Variants in CDHR1 observed in about 807,000 individuals in gnomAD.
CDHR1 encodes the protein cadherin-related family member 1.
A neutral mutation model predicts 72.1 loss-of-function variants in CDHR1; 61 were observed. The ratio of observed to expected loss-of-function variants is 0.85; its 90% CI spans 0.69 to 1.05. The LOEUF is 1.05. CDHR1 is among the 50% of genes least tolerant of loss of function. CDHR1 has a pLI of 0.00. For missense variants in CDHR1, 1,186 were observed against 1,115.7 expected (o/e 1.06, Z -0.90); for synonymous variants, 470 against 448.1 (o/e 1.05, Z -0.62).
chr10:84,212,324 C>T lies in CDHR1; in HGVS notation c.1699C>T (p.Leu567=), dbSNP rs181578769. 3 of 1,614,230 alleles carry T rather than the reference C, an allele frequency of 1.9e-6. No homozygotes were observed. The highest frequency in any genetic ancestry group is 2.7e-5 in the African/African-American group (2 of 75,072). ...CGTAGCTGAGGTGTTTATCACACTG[C>T]TGGATGTCAATGACCACCCCCCTCA... is the stretch of plus-strand genomic sequence containing the variant. ...YSVAEVFITL[L]DVNDHPPQFG... is the part of the protein sequence containing the mutation. The change falls in exon 15 of 17, where the codon CTG becomes TTG. Residue 567 remains leucine, a synonymous_variant. Coordinates refer to ENST00000623527, the MANE Select transcript of CDHR1 (RefSeq NM_033100.4).
At chr10:84,200,753 C>G (rs1415962889) in intron 6 of CDHR1, 66 bp downstream of exon 6, 34 of 1,113,710 alleles carry the variant, frequency 3.1e-5, no homozygotes, top group Non-Finnish European at 4.4e-5. Context: ...TGGCCCCTAC[C>G]TCCATCGCCC....
In CDHR1 at chr10:84,217,311, C is replaced by G. The variant is rs528626633; in HGVS notation, c.*2690C>G. 3.2e-5 allele frequency: 32 copies of G among 985,480 alleles called. No individual in the cohort carries two copies. Among genetic ancestry groups the G allele is most frequent in the Middle Eastern group, 5.2e-4 (1 of 1,914 alleles). 61.0% of individuals were successfully genotyped at this position (985,480 alleles called of 1,614,324 possible). A position where few individuals can be genotyped will look rare whatever the true frequency, so the allele number is the denominator to read the frequency against. The stretch of plus-strand genomic sequence containing the variant: ...GCACACTGGGCAGGCTTGCCCATTC[C>G]TGGCCCTGAGAATGGAGCTGTAGCC... On this transcript the variant is annotated 3_prime_UTR_variant, in exon 17 of 17. Transcript: ENST00000623527.
chr10:84,197,729 A>C (rs1842053096), intron 3 of CDHR1, 57 bp from the exon 4 acceptor site: 2 of 1,523,956 alleles, frequency 1.3e-6, no homozygotes, highest in Non-Finnish European at 1.8e-6. Context: ...ATCCAGCCAC[A>C]GGGGTCCTAT....
In CDHR1 at chr10:84,203,140, C is replaced by T; in HGVS notation, c.783+17C>T. ...ACCCTTCCGGTGGGTGGCTGTCCCCCTCAGCCAGCGATCCCTCCAAATGCC... is the reference window on the plus strand; with the variant it reads ...ACCCTTCCGGTGGGTGGCTGTCCCCTTCAGCCAGCGATCCCTCCAAATGCC... On this transcript the variant is annotated intron_variant, in intron 8 of 16. Coordinates refer to ENST00000623527, the MANE Select transcript of CDHR1 (RefSeq NM_033100.4). 1 of 1,614,070 alleles carries T rather than the reference C, an allele frequency of 6.2e-7. No homozygotes were observed.
chr10:84,202,890 T>C lies in CDHR1; in HGVS notation c.640-90T>C, dbSNP rs1452456677. On this transcript the variant is annotated intron_variant, in intron 7 of 16. Transcript: ENST00000623527. ...GAGAGGACAGCTGGCCTCACAGCCA[T>C]AGGTGGCAGAAGCCAGGTTTTCACG... 8.9e-6 allele frequency: 13 copies of C among 1,460,596 alleles called. No homozygotes were observed. In the African/African-American group the frequency reaches 1.4e-4, roughly 16 times the overall value. The allele number at this position is 1,460,596 out of a possible 1,614,324, so 90.5% of individuals were successfully genotyped here. A position where few individuals can be genotyped will look rare whatever the true frequency, so the allele number is the denominator to read the frequency against.
intron 16 of CDHR1, among the ~76,000 whole-genome samples, chr10:84,213,852 T>C (rs1589309011): frequency 6.6e-6 from 1 of 152,126 alleles, no homozygotes; most frequent in Non-Finnish European, 1.5e-5. Context: ...TACCAGAGAG[T>C]GGTCTGCACC....
intron 7 of CDHR1, among the ~76,000 whole-genome samples, chr10:84,202,731 G>C (rs1842150044): frequency 6.6e-6 from 1 of 152,206 alleles, no homozygotes. Flanking sequence ...CCCCTCTCCT[G>C]CCACTCATCT....
At chr10:84,198,621 A>C (rs1467285852) in intron 4 of CDHR1, among the ~76,000 whole-genome samples, 1 of 152,186 alleles carries the variant, frequency 6.6e-6, no homozygotes. Context: ...CCACCACCAC[A>C]GCCCAGGAAC....
Position 84,211,643 on chromosome 10 carries a change from T to G in CDHR1, c.1486-5T>G. 6.2e-7 allele frequency: 1 copy of G among 1,613,992 alleles called. No individual in the cohort carries two copies. The highest frequency in any genetic ancestry group is 8.5e-7 in the Non-Finnish European group (1 of 1,179,872). ...ACGTGCCACCCAGGGCTCTTTCTCT[T>G]CCAGGCTGTGGATCCAGATACAGGA... On this transcript the variant is annotated splice_region_variant and splice_polypyrimidine_tract_variant and intron_variant, in intron 13 of 16. Coordinates refer to ENST00000623527, the MANE Select transcript of CDHR1 (RefSeq NM_033100.4).
At chr10:84,199,933 G>C (rs1324003985) in intron 5 of CDHR1, among the ~76,000 whole-genome samples, 1 of 152,200 alleles carries the variant, frequency 6.6e-6, no homozygotes, top group Non-Finnish European at 1.5e-5. Flanking sequence ...AGCACTTTGG[G>C]AGGCCGAGAT....
chr10:84,215,874 G>A lies in CDHR1; in HGVS notation c.*1253G>A, dbSNP rs1005953008. On this transcript the variant is annotated 3_prime_UTR_variant, in exon 17 of 17. Transcript: ENST00000623527. The stretch of plus-strand genomic sequence containing the variant: ...CTTCCCTCACTCCATCCCCGCTACC[G>A]TCCTGGCCAGCTACCGTCAGAGAGA... 6.9e-5 allele frequency: 68 copies of A among 985,308 alleles called. No homozygotes were observed. The highest frequency in any genetic ancestry group is 1.6e-4 in the African/African-American group (9 of 57,194). 61.0% of individuals were successfully genotyped at this position (985,308 alleles called of 1,614,324 possible).
chr10:84,219,422 C>T (rs1270901680), downstream of CDHR1: 1 of 1,324,718 alleles, frequency 7.5e-7, no homozygotes, highest in African/African-American at 1.5e-5. Context: ...CACAGCCCTT[C>T]TCTCATCCTG....
intron 16 of CDHR1, 22 bp downstream of exon 16, chr10:84,213,370 G>A (rs1842372644): frequency 6.2e-7 from 1 of 1,613,902 alleles, no homozygotes; most frequent in South Asian, 1.1e-5. Context: ...GCCATGGTCA[G>A]GAAAAAGGGG....
chr10:84,208,468 G>A lies in CDHR1; in HGVS notation c.1167+91G>A, dbSNP rs113764487. Reference sequence around the variant, plus strand: ...GTGGGTCTGCATCAACCTGCTCTGCGTATGTAGCCGGGACCAGGTGGGCCA... The same window carrying A: ...GTGGGTCTGCATCAACCTGCTCTGCATATGTAGCCGGGACCAGGTGGGCCA... On this transcript the variant is annotated intron_variant, in intron 11 of 16. Coordinates refer to ENST00000623527, the MANE Select transcript of CDHR1 (RefSeq NM_033100.4). 1.6e-4 allele frequency: 222 copies of A among 1,375,640 alleles called. 1 individual carries two copies. Among genetic ancestry groups the A allele is most frequent in the Middle Eastern group, 8.9e-4 (5 of 5,594 alleles). The allele number at this position is 1,375,640 out of a possible 1,614,324, so 85.2% of individuals were successfully genotyped here.
intron 9 of CDHR1, 79 bp from the exon 10 acceptor site, chr10:84,205,748 C>T (rs983661112): frequency 2.2e-6 from 2 of 925,764 alleles, no homozygotes; most frequent in Non-Finnish European, 3.5e-6. Context: ...CTAGGCAATG[C>T]AGGACGATCC....
chr10:84,205,857 C>T lies in CDHR1; in HGVS notation c.893C>T (p.Thr298Ile). The T allele has an allele frequency of 5.0e-6, 8 of 1,614,074 alleles. No homozygotes were observed. Among genetic ancestry groups the T allele is most frequent in the Non-Finnish European group, 6.8e-6 (8 of 1,179,962 alleles). The change falls in exon 10 of 17, where the codon ACA becomes ATA. Residue 298 changes from threonine to isoleucine, a missense_variant. Physicochemically the swap from Thr to Ile is moderately conservative, Grantham distance 89 (BLOSUM62 -1). Transcript: ENST00000623527. ...GNDGAFEINETSGAISITQSP... is the reference protein window; with the variant it reads ...GNDGAFEINEISGAISITQSP... ...GATGGAGCCTTTGAAATTAATGAGA[C>T]ATCTGGAGCCATCTCCATCACTCAG...
intron 16 of CDHR1, among the ~76,000 whole-genome samples, chr10:84,213,636 CATT>C (rs1245431626): frequency 6.6e-6 from 1 of 152,160 alleles, no homozygotes; most frequent in Non-Finnish European, 1.5e-5. Context: ...AGAGTGAAGT[CATT>C]ATGTGTAGCT....
rs117699987 is a variant in CDHR1, at chr10:84,197,700, G to A, written c.298-86G>A. 0.043 allele frequency: 52,830 copies of A among 1,237,134 alleles called. 1,372 individuals are homozygous for A. Among genetic ancestry groups the A allele is most frequent in the Non-Finnish European group, 0.052 (43,627 of 838,454 alleles). The allele number at this position is 1,237,134 out of a possible 1,614,324, so 76.6% of individuals were successfully genotyped here. On this transcript the variant is annotated intron_variant, in intron 3 of 16. Coordinates refer to ENST00000623527, the MANE Select transcript of CDHR1 (RefSeq NM_033100.4). The stretch of plus-strand genomic sequence containing the variant: ...CGCCCAGACCTCCTCTGATGGGTGC[G>A]TGGGGCAGGGAGAGCTCCATCCAGC...
intron 5 of CDHR1, among the ~76,000 whole-genome samples, chr10:84,199,770 G>A (rs1842090493): frequency 6.6e-6 from 1 of 152,210 alleles, no homozygotes; most frequent in Non-Finnish European, 1.5e-5. Flanking sequence ...CATGCCCACA[G>A]GGTGTTGCCA....
Sources: allele counts gnomAD v4.1 joint callset (sites outside exome capture counted in the v4.1 genomes callset), GRCh38; gene constraint gnomAD v4.1.1; transcripts MANE v1.5; gene names NCBI Gene and HGNC (gene_info 2026-07-23, HGNC 2026-07-21).